The following LRP1B variants were observed in gnomAD, a reference collection of about 807,000 sequenced individuals.
LRP1B encodes the protein LDL receptor related protein 1B, also known as low-density lipoprotein receptor-related protein 1B.
LRP1B carries 217 observed loss-of-function variants against 556.6 expected under a neutral mutation model. That is an observed-to-expected ratio of 0.39 (90% CI 0.35 to 0.44). The LOEUF (loss-of-function observed/expected upper bound fraction) is 0.44, where lower values mean the gene tolerates loss of function less well. Among genes scored for constraint, LRP1B ranks in the 20% least tolerant of loss-of-function variants. The pLI, the probability that LRP1B is intolerant of heterozygous loss-of-function variation, is 1.00. For missense variants in LRP1B, 5,053 were observed against 5,620.8 expected (o/e 0.90, Z 3.23); for synonymous variants, 2,047 against 1,865.8 (o/e 1.10, Z -2.50).
At chr2:140,701,221 G>A (rs2105423937) in intron 40 of LRP1B, among the ~76,000 whole-genome samples, 1 of 151,886 alleles carries the variant, frequency 6.6e-6, no homozygotes, top group South Asian at 2.1e-4. Context: ...TTTTAATGGA[G>A]GTAAACAAAT....
In LRP1B at chr2:140,513,923, T is replaced by C. The variant is rs191630324; in HGVS notation, c.8269+730A>G. Among the ~76,000 whole-genome samples, 66 of 152,056 alleles carry C rather than the reference T, an allele frequency of 4.3e-4. 1 individual carries two copies. The highest frequency in any genetic ancestry group is 1.6e-3 in the African/African-American group (65 of 41,548). ...AGAAATAGATTAGATAGACAACCAA[T>C]AGACATCTATAAAAATAGTGAAATT... On this transcript the variant is annotated intron_variant, in intron 51 of 90. Coordinates refer to ENST00000389484, the MANE Select transcript of LRP1B (RefSeq NM_018557.3).
intron 41 of LRP1B, among the ~76,000 whole-genome samples, chr2:140,608,725 T>C (rs1271617873): frequency 6.6e-6 from 1 of 152,184 alleles, no homozygotes. Flanking sequence ...GCCTATTTAT[T>C]TGGTTTTCCC....
intron 3 of LRP1B, among the ~76,000 whole-genome samples, chr2:141,375,665 T>C: frequency 6.6e-6 from 1 of 152,140 alleles, no homozygotes; most frequent in East Asian, 1.9e-4. Flanking sequence ...AAACTTAGCC[T>C]GAGGGAAGGG....
intron 1 of LRP1B, among the ~76,000 whole-genome samples, chr2:141,838,718 A>C (rs1697370676): frequency 6.6e-6 from 1 of 152,190 alleles, no homozygotes; most frequent in African/African-American, 2.4e-5. Flanking sequence ...TTAGTAGAGA[A>C]AGTATATTTC....
intron 2 of LRP1B, among the ~76,000 whole-genome samples, chr2:141,807,340 A>C (rs747170498): frequency 1.1e-4 from 16 of 152,100 alleles, no homozygotes; most frequent in Admixed American, 2.0e-4. Context: ...CAAGCCAATT[A>C]AATATAAATC....
chr2:141,123,759 C>G (rs942126826), intron 7 of LRP1B, among the ~76,000 whole-genome samples: 2 of 152,130 alleles, frequency 1.3e-5, no homozygotes, highest in African/African-American at 4.8e-5. Flanking sequence ...TAGCCAACTA[C>G]TTCTCTTTAC....
chr2:141,854,198 G>A (rs6429925), intron 1 of LRP1B, among the ~76,000 whole-genome samples: 115,667 of 151,840 alleles, frequency 0.76, 44,196 homozygotes, highest in Middle Eastern at 0.83. Context: ...ACATGGAAGC[G>A]GCACTTACAT....
At chr2:140,614,841 A>G (rs1056509897) in intron 41 of LRP1B, among the ~76,000 whole-genome samples, 4 of 152,178 alleles carry the variant, frequency 2.6e-5, no homozygotes, top group Non-Finnish European at 4.4e-5. Flanking sequence ...TGTACATGGA[A>G]AATAAAACTG....
chr2:141,614,089 A>AAAAAAG (rs1424004541), intron 2 of LRP1B, among the ~76,000 whole-genome samples: 1 of 147,166 alleles, frequency 6.8e-6, no homozygotes. Context: ...TCAAAAAAAA[A>AAAAAAG]AAAAAAAAAA....
chr2:140,790,932 C>T (rs1300810402), intron 32 of LRP1B, among the ~76,000 whole-genome samples: 1 of 137,070 alleles, frequency 7.3e-6, no homozygotes, highest in Admixed American at 7.9e-5. Flanking sequence ...AAGACACTGT[C>T]TCTACAAATT....
intron 41 of LRP1B, among the ~76,000 whole-genome samples, chr2:140,642,714 G>A (rs1312597738): frequency 6.6e-6 from 1 of 152,060 alleles, no homozygotes; most frequent in Non-Finnish European, 1.5e-5. Context: ...CATGGTGGCG[G>A]GCGCCTGTAG....
At chr2:141,564,157 G>T (rs1462314105) in intron 2 of LRP1B, among the ~76,000 whole-genome samples, 7 of 152,088 alleles carry the variant, frequency 4.6e-5, no homozygotes, top group African/African-American at 1.7e-4. Context: ...GGACTTATTT[G>T]TGTTAACAGT....
At chr2:140,325,959 T>C (rs983663318) in intron 79 of LRP1B, 81 bp from the exon 80 acceptor site, 2 of 843,094 alleles carry the variant, frequency 2.4e-6, no homozygotes, top group Non-Finnish European at 4.0e-6. Flanking sequence ...TCTTATTGTA[T>C]AATTACACTT....
intron 69 of LRP1B, 64 bp from the exon 70 acceptor site, chr2:140,371,349 CAT>C (rs1398152281): frequency 2.7e-6 from 2 of 733,774 alleles, no homozygotes; most frequent in African/African-American, 1.8e-5. Flanking sequence ...GAAATAAAAA[CAT>C]AAACACATAA....
At chr2:140,808,340 T>A (rs191866980) in intron 32 of LRP1B, among the ~76,000 whole-genome samples, 1 of 147,302 alleles carries the variant, frequency 6.8e-6, no homozygotes, top group African/African-American at 2.7e-5. Context: ...GTAATTATGT[T>A]TTATATTTTT....
At chr2:140,951,500 T>C (rs1695712994) in intron 19 of LRP1B, among the ~76,000 whole-genome samples, 1 of 152,142 alleles carries the variant, frequency 6.6e-6, no homozygotes, top group Non-Finnish European at 1.5e-5. Flanking sequence ...ATCTGGGTAA[T>C]TTCATAGCAA....
At chr2:141,981,096 T>G (rs896843067) in intron 1 of LRP1B, among the ~76,000 whole-genome samples, 2 of 152,142 alleles carry the variant, frequency 1.3e-5, no homozygotes, top group African/African-American at 2.4e-5. Flanking sequence ...CAAGTCAGCA[T>G]GTATTTGGGG....
intron 41 of LRP1B, among the ~76,000 whole-genome samples, chr2:140,601,919 G>A (rs1443551478): frequency 6.6e-6 from 1 of 151,956 alleles, no homozygotes; most frequent in Non-Finnish European, 1.5e-5. Context: ...GAAAATGGTG[G>A]CTCTCTTTCT....
intron 32 of LRP1B, among the ~76,000 whole-genome samples, chr2:140,800,896 C>G (rs1037652807): frequency 2.0e-4 from 31 of 152,198 alleles, no homozygotes; most frequent in African/African-American, 7.5e-4. Context: ...CAATTCAAAT[C>G]CTAATATCTT....
Sources: allele counts gnomAD v4.1 joint callset (sites outside exome capture counted in the v4.1 genomes callset), GRCh38; gene constraint gnomAD v4.1.1; transcripts MANE v1.5; gene names NCBI Gene and HGNC (gene_info 2026-07-23, HGNC 2026-07-21).